The following CELF3 variants were observed in gnomAD, a reference collection of about 807,000 sequenced individuals.
CELF3 encodes the protein CAG repeat domain.
CELF3 carries 26 observed loss-of-function variants against 59.6 expected under a neutral mutation model. The ratio of observed to expected loss-of-function variants is 0.44; its 90% CI spans 0.32 to 0.61. The LOEUF (loss-of-function observed/expected upper bound fraction) is 0.61, where lower values mean the gene tolerates loss of function less well. Ranked by LOEUF, CELF3 falls within the 20% of genes least tolerant of loss-of-function variation. CELF3 has a pLI of 0.06. For missense variants in CELF3, 387 were observed against 627.2 expected, an observed-to-expected ratio of 0.62 and a Z score of 4.09; for synonymous variants, 245 against 250.7, an observed-to-expected ratio of 0.98 and a Z score of 0.22.
rs1017884709 is a variant in CELF3, at chr1:151,716,215, G to A, written c.-195C>T. ...AGGCCCAGGGAGTTGAGTGCTAGGG[G>A]TCAGGGGTCTAGGCAGACGCTGTCA... is the stretch of plus-strand genomic sequence containing the variant. On this transcript the variant is annotated 5_prime_UTR_variant, in exon 1 of 13. Transcript: ENST00000290583. 1.6e-5 allele frequency: 9 copies of A among 572,670 alleles called. No homozygotes were observed. The highest frequency in any genetic ancestry group is 3.7e-5 in the African/African-American group (2 of 53,400). The allele number at this position is 572,670 out of a possible 1,614,324, so 35.5% of individuals were successfully genotyped here.
chr1:151,712,028 A>T (rs2101471781), intron 2 of CELF3: 1 of 152,366 alleles, frequency 6.6e-6, no homozygotes, highest in East Asian at 1.9e-4. Context: ...CACAGACAGG[A>T]CCCTTGGCGC....
In CELF3 at chr1:151,708,984, G is replaced by C; in HGVS notation, c.486+14C>G. 1 of 1,612,310 alleles carries C rather than the reference G, an allele frequency of 6.2e-7. No homozygotes were observed. Among genetic ancestry groups the C allele is most frequent in the Non-Finnish European group, 8.5e-7 (1 of 1,179,332 alleles). On this transcript the variant is annotated intron_variant, in intron 5 of 12. Transcript: ENST00000290583. ...TGGGAAGGAGAGGCCCGGGGGCAGG[G>C]GAGTGGGGCTCACTGGCAGGGTCCG...
chr1:151,710,500 G>A (rs1007336580), intron 2 of CELF3: 5 of 363,274 alleles, frequency 1.4e-5, no homozygotes, highest in Non-Finnish European at 2.2e-5. Context: ...GGTATGCTGG[G>A]GGTGGAGGAT....
At position 151,716,802 on chromosome 1, in the gene CELF3, C is replaced by A. The variant is rs765512869; in HGVS notation, c.-782G>T. 4 of 466,600 alleles carry A rather than the reference C, an allele frequency of 8.6e-6. No homozygotes were observed. The highest frequency in any genetic ancestry group is 1.8e-5 in the Non-Finnish European group (4 of 226,202). The allele number at this position is 466,600 out of a possible 1,614,324, so 28.9% of individuals were successfully genotyped here. On this transcript the variant is annotated 5_prime_UTR_variant, in exon 1 of 13. Transcript: ENST00000290583. ...CCGGCCGCGCTCTCCTCAACAAAAACCTCCCCCCTCCACACCCCCCTCCCC... is the reference window on the plus strand; with the variant it reads ...CCGGCCGCGCTCTCCTCAACAAAAAACTCCCCCCTCCACACCCCCCTCCCC...
intron 2 of CELF3, among the ~76,000 whole-genome samples, chr1:151,712,380 G>A (rs1487752643): frequency 6.6e-6 from 1 of 152,162 alleles, no homozygotes; most frequent in African/African-American, 2.4e-5. Flanking sequence ...TAATTCTTTT[G>A]AGGGTACAGC....
In CELF3 at chr1:151,707,284, G is replaced by A; in HGVS notation, c.783C>T (p.Thr261=). 1.3e-6 allele frequency: 2 copies of A among 1,570,458 alleles called. No homozygotes were observed. Among genetic ancestry groups the A allele is most frequent in the Non-Finnish European group, 1.7e-6 (2 of 1,159,598 alleles). The change falls in exon 8 of 13, where the codon ACC becomes ACT. Residue 261 remains threonine, a synonymous_variant. Transcript: ENST00000290583. The stretch of plus-strand genomic sequence containing the variant: ...CAGGCGTGGCAGCGATGGCAGGAGG[G>A]GTGCTGGTTCCTGGGGAGGAGAAAG... ...TPITPSSGTS[T]PPAIAATPVS...
At chr1:151,715,011 C>T (rs1301688065) in intron 1 of CELF3, among the ~76,000 whole-genome samples, 1 of 152,032 alleles carries the variant, frequency 6.6e-6, no homozygotes, top group African/African-American at 2.4e-5. Flanking sequence ...TTTCCCCTCT[C>T]TCCCTCACCT....
chr1:151,704,812 T>C (rs1181743342), intron 12 of CELF3, among the ~76,000 whole-genome samples: 1 of 150,576 alleles, frequency 6.6e-6, no homozygotes, highest in African/African-American at 2.5e-5. Context: ...ACGGAGGGTG[T>C]GTGTGTGTGA....
intron 2 of CELF3, chr1:151,710,676 C>G (rs778878903): frequency 4.4e-6 from 2 of 456,376 alleles, no homozygotes; most frequent in Non-Finnish European, 8.8e-6. Context: ...GTTGCTGTCC[C>G]GTGCTCCTTC....
intron 1 of CELF3, chr1:151,715,624 T>A (rs1394631625): frequency 1.4e-6 from 2 of 1,473,322 alleles, no homozygotes; most frequent in East Asian, 2.8e-5. Context: ...CACACCCATA[T>A]GTCTGGGATC....
In CELF3 at chr1:151,703,292, CAG is replaced by C; in HGVS notation, c.*165_*166del. 2.2e-6 allele frequency: 1 copy of C among 456,098 alleles called. No homozygotes were observed. Among genetic ancestry groups the C allele is most frequent in the South Asian group, 1.5e-5 (1 of 64,548 alleles). 28.3% of individuals were successfully genotyped at this position (456,098 alleles called of 1,614,324 possible). A position where few individuals can be genotyped will look rare whatever the true frequency, so the allele number is the denominator to read the frequency against. On this transcript the variant is annotated 3_prime_UTR_variant, in exon 13 of 13. Coordinates refer to ENST00000290583, the MANE Select transcript of CELF3 (RefSeq NM_007185.7). ...GCATAGCCATGGCCCTTCAGAGAGG[CAG>C]GGGGGTGGGAGGGGCCGGTGTCTTG...
At chr1:151,712,410 G>A (rs1025401215) in intron 2 of CELF3, among the ~76,000 whole-genome samples, 1 of 152,188 alleles carries the variant, frequency 6.6e-6, no homozygotes, top group Non-Finnish European at 1.5e-5. Context: ...TGCCACTCCT[G>A]GCTCCACACT....
chr1:151,713,312 G>T (rs77530620), intron 2 of CELF3, among the ~76,000 whole-genome samples: 4,115 of 152,294 alleles, frequency 0.027, 185 homozygotes, highest in African/African-American at 0.095. Context: ...TGCCTGAGCT[G>T]CCAGGCAGCT....
intron 2 of CELF3, among the ~76,000 whole-genome samples, chr1:151,713,763 C>T (rs1416659754): frequency 2.6e-5 from 4 of 152,202 alleles, no homozygotes; most frequent in African/African-American, 9.7e-5. Flanking sequence ...GGGATAAGAT[C>T]TTTGGTGGGC....
intron 2 of CELF3, among the ~76,000 whole-genome samples, chr1:151,712,901 G>GTGCATGCACACACACTCA (rs1673142507): frequency 6.6e-6 from 1 of 152,034 alleles, no homozygotes; most frequent in Non-Finnish European, 1.5e-5. Context: ...ACACATGCGT[G>GTGCATGCACACACACTCA]TGCATGCACA....
intron 10 of CELF3, 54 bp from the exon 11 acceptor site, chr1:151,706,019 C>A: frequency 1.2e-6 from 2 of 1,607,022 alleles, no homozygotes; most frequent in Non-Finnish European, 1.7e-6. Flanking sequence ...GGCACACACC[C>A]CAGAAGCAAA....
intron 2 of CELF3, chr1:151,710,519 G>A (rs1672931761): frequency 2.6e-6 from 1 of 382,638 alleles, no homozygotes; most frequent in South Asian, 1.9e-5. Context: ...ATTTGGTGGG[G>A]GCTGGGAGGT....
chr1:151,707,460 A>G (rs776142420), intron 7 of CELF3, 47 bp downstream of exon 7: 1 of 1,603,524 alleles, frequency 6.2e-7, no homozygotes. Context: ...GCCCCTCCCT[A>G]CCCCTACCAT....
chr1:151,703,611 C>T (rs1672254350), intron 12 of CELF3, among the ~76,000 whole-genome samples, 163 bp from the exon 13 acceptor site: 1 of 151,904 alleles, frequency 6.6e-6, no homozygotes, highest in Non-Finnish European at 1.5e-5. Flanking sequence ...CCATCTGCCC[C>T]CACCCCCAGC....
Sources: gnomAD v4.1 joint callset for allele counts (sites outside exome capture counted in the v4.1 genomes callset) on GRCh38, gnomAD v4.1.1 for gene constraint, MANE v1.5 for transcripts, NCBI Gene and HGNC (gene_info 2026-07-23, HGNC 2026-07-21) for gene names.